Variants in TMEM131L observed in about 807,000 individuals in gnomAD.
The protein encoded by TMEM131L is transmembrane 131 like.
TMEM131L carries 54 observed loss-of-function variants against 192.2 expected under a neutral mutation model. The ratio of observed to expected loss-of-function variants is 0.28; its 90% CI spans 0.23 to 0.35. The LOEUF (loss-of-function observed/expected upper bound fraction) is 0.35. Ranked by LOEUF, TMEM131L falls within the 10% of genes least tolerant of loss-of-function variation. The pLI, the probability that TMEM131L is intolerant of heterozygous loss-of-function variation, is 1.00. For synonymous variants in TMEM131L, 701 were observed against 704.9 expected, an observed-to-expected ratio of 0.99 and a Z score of 0.09; for missense variants, 1,888 against 1,972.9, an observed-to-expected ratio of 0.96 and a Z score of 0.82.
At chr4:153,510,184 C>T (rs1170873326) in intron 3 of TMEM131L, among the ~76,000 whole-genome samples, 1 of 152,034 alleles carries the variant, frequency 6.6e-6, no homozygotes, top group Non-Finnish European at 1.5e-5. Flanking sequence ...TCCCTATCAT[C>T]TCCATCTGCC....
rs746775891 is a variant in TMEM131L at position 153,555,143 on chromosome 4, AAAGTGCT to A, written c.309-643_309-637del. On this transcript the variant is annotated intron_variant, in intron 4 of 34. Coordinates refer to ENST00000409959, the MANE Select transcript of TMEM131L (RefSeq NM_001131007.2). This position sits in a 1 kb window ranked among gnomAD's most constrained non-coding sequence, Gnocchi z 4.1. Reference sequence around the variant, plus strand: ...TTAAATGGATGAGAACCTCTGCTGCAAAGTGCTGCCGGATTTTCAGTTTTCTCAAAAG... The same window carrying A: ...TTAAATGGATGAGAACCTCTGCTGCAGCCGGATTTTCAGTTTTCTCAAAAG... 3.8e-4 allele frequency among the ~76,000 whole-genome samples: 58 copies of A among 152,332 alleles called. No individual in the cohort carries two copies. Among genetic ancestry groups the A allele is most frequent in the Non-Finnish European group, 6.6e-4 (45 of 68,034 alleles).
intron 2 of TMEM131L, among the ~76,000 whole-genome samples, chr4:153,470,498 CTG>C (rs1297176538): frequency 9.9e-5 from 15 of 152,260 alleles, no homozygotes; most frequent in African/African-American, 3.6e-4. Context: ...AACATACAAA[CTG>C]TATATCCATG....
intron 3 of TMEM131L, among the ~76,000 whole-genome samples, chr4:153,530,467 G>A (rs1217022185): frequency 1.3e-5 from 2 of 152,164 alleles, no homozygotes; most frequent in African/African-American, 4.8e-5. Context: ...CCCAAAGGAA[G>A]TACTGTAGGT....
chr4:153,603,594 G>A, intron 24 of TMEM131L, 142 bp downstream of exon 24: 1 of 1,041,918 alleles, frequency 9.6e-7, no homozygotes, highest in Non-Finnish European at 1.4e-6. Context: ...GTGAACAGCT[G>A]CCCCATTATT....
intron 3 of TMEM131L, among the ~76,000 whole-genome samples, chr4:153,504,969 A>G (rs1323165719): frequency 6.6e-6 from 1 of 152,196 alleles, no homozygotes; most frequent in East Asian, 1.9e-4. Flanking sequence ...TGGGTTGGCT[A>G]GGAGCGAACT....
At chr4:153,567,573 T>C (rs1262333822) in intron 7 of TMEM131L, among the ~76,000 whole-genome samples, 1 of 151,830 alleles carries the variant, frequency 6.6e-6, no homozygotes. Flanking sequence ...AGACAGACTT[T>C]GGCTCTTGTC....
intron 3 of TMEM131L, among the ~76,000 whole-genome samples, chr4:153,541,619 T>G (rs1469068881): frequency 2.0e-5 from 3 of 152,108 alleles, no homozygotes; most frequent in Non-Finnish European, 1.5e-5. Context: ...AGTCAGGAGC[T>G]CAGCAGAGTC....
chr4:153,544,443 C>G (rs1476519902), intron 3 of TMEM131L, among the ~76,000 whole-genome samples: 1 of 152,228 alleles, frequency 6.6e-6, no homozygotes, highest in Non-Finnish European at 1.5e-5. Flanking sequence ...CATGGGCCAG[C>G]AAAGCCTTCC....
intron 15 of TMEM131L, among the ~76,000 whole-genome samples, chr4:153,588,281 T>G (rs895728191): frequency 1.3e-5 from 2 of 150,728 alleles, no homozygotes; most frequent in South Asian, 2.1e-4. Flanking sequence ...AGTTTTTTTT[T>G]TTGTTTTTTT....
chr4:153,492,644 A>G (rs1405100902), intron 3 of TMEM131L, among the ~76,000 whole-genome samples: 2 of 152,266 alleles, frequency 1.3e-5, no homozygotes, highest in Non-Finnish European at 2.9e-5. Context: ...TTAAACTAGT[A>G]GGTTATAAAC....
chr4:153,624,138 T>TTGA (rs1733658028), intron 29 of TMEM131L, among the ~76,000 whole-genome samples: 1 of 151,342 alleles, frequency 6.6e-6, no homozygotes, highest in Non-Finnish European at 1.5e-5. Flanking sequence ...ATTTTTTTTT[T>TTGA]GAGAGAGAGT....
chr4:153,536,743 C>T, intron 3 of TMEM131L, among the ~76,000 whole-genome samples: 1 of 138,148 alleles, frequency 7.2e-6, no homozygotes, highest in Admixed American at 7.2e-5. Context: ...TCCCTCCCTT[C>T]TATGTATATA....
intron 26 of TMEM131L, among the ~76,000 whole-genome samples, chr4:153,613,892 A>G (rs987370478): frequency 2.0e-5 from 3 of 152,230 alleles, no homozygotes; most frequent in Non-Finnish European, 4.4e-5. Flanking sequence ...CAAATAAAGT[A>G]GAAATGATAC....
At chr4:153,621,996 A>C in intron 28 of TMEM131L, 147 bp downstream of exon 28, 1 of 792,288 alleles carries the variant, frequency 1.3e-6, no homozygotes, top group Non-Finnish European at 2.0e-6. Context: ...GAAAGCTTTC[A>C]GGGTGAGACC....
chr4:153,636,586 G>A lies in TMEM131L; in HGVS notation c.*10G>A, dbSNP rs1397085123. 1.2e-6 allele frequency: 2 copies of A among 1,606,838 alleles called. No homozygotes were observed. The highest frequency in any genetic ancestry group is 8.5e-7 in the Non-Finnish European group (1 of 1,174,320). On this transcript the variant is annotated 3_prime_UTR_variant, in exon 35 of 35. Coordinates refer to ENST00000409959, the MANE Select transcript of TMEM131L (RefSeq NM_001131007.2). The stretch of plus-strand genomic sequence containing the variant: ...CTGTGGGAATGTGTGAAAATAATTG[G>A]ATTTTTAAACAATGTGAATAAAGAG...
rs1383799961 is a variant in TMEM131L, at chr4:153,555,851, G to A, written c.373G>A (p.Val125Met). Residue 125 changes from valine (V) to methionine (M), a missense_variant, in exon 5 of 35, where the codon GTG becomes ATG. Coordinates refer to ENST00000409959, the MANE Select transcript of TMEM131L (RefSeq NM_001131007.2). This position sits in a 1 kb window ranked among gnomAD's most constrained non-coding sequence, Gnocchi z 4.1. The stretch of plus-strand genomic sequence containing the variant: ...CAACCCTAGTAGGGACAGCGAGGTT[G>A]TGGTGAATTCAGTGTTTGCAGCTGC... ...AYNPSRDSEV[V>M]VNSVFAAAGH... 3 of 1,551,742 alleles carry A rather than the reference G, an allele frequency of 1.9e-6. No homozygotes were observed. The highest frequency in any genetic ancestry group is 1.2e-5 in the South Asian group (1 of 84,062).
At chr4:153,495,714 A>G (rs577793997) in intron 3 of TMEM131L, among the ~76,000 whole-genome samples, 1 of 152,166 alleles carries the variant, frequency 6.6e-6, no homozygotes, top group Non-Finnish European at 1.5e-5. Flanking sequence ...GTGAAATCCA[A>G]CAGAACGTTC....
intron 3 of TMEM131L, among the ~76,000 whole-genome samples, chr4:153,476,897 T>A (rs1160218468): frequency 6.6e-6 from 1 of 152,212 alleles, no homozygotes; most frequent in African/African-American, 2.4e-5. Flanking sequence ...GTGAGTTTTA[T>A]TAAAAATGCC....
intron 25 of TMEM131L, among the ~76,000 whole-genome samples, chr4:153,609,498 A>T (rs906842239): frequency 6.6e-6 from 1 of 152,204 alleles, no homozygotes; most frequent in Admixed American, 6.5e-5. Context: ...CCCCATTTGT[A>T]AATGACGTAT....
Sources: gnomAD v4.1 joint callset for allele counts (sites outside exome capture counted in the v4.1 genomes callset) on GRCh38, gnomAD v4.1.1 for gene constraint, Gnocchi (gnomAD v3.1) non-coding constraint, MANE v1.5 for transcripts, NCBI Gene and HGNC (gene_info 2026-07-23, HGNC 2026-07-21) for gene names.